ITPR2: variants seen among roughly 807,000 people sequenced by gnomAD.
ITPR2 encodes inositol 1,4,5-trisphosphate receptor type 2.
A neutral mutation model predicts 317.1 loss-of-function variants in ITPR2; 207 were observed. The ratio of observed to expected loss-of-function variants is 0.65; its 90% confidence interval spans 0.58 to 0.73. ITPR2 has a LOEUF of 0.73. ITPR2 is among the 30% of genes least tolerant of loss of function. The probability of loss-of-function intolerance (pLI) is 0.00; values close to 1 mark genes in which losing one functional copy is unlikely to be tolerated. For missense variants in ITPR2, 2,613 were observed against 3,284.0 expected (o/e 0.80, Z 4.99); for synonymous variants, 1,156 against 1,149.1 (o/e 1.01, Z -0.12).
intron 52 of ITPR2, among the ~76,000 whole-genome samples, chr12:26,407,472 C>T (rs1406246358): frequency 2.0e-5 from 3 of 151,850 alleles, no homozygotes; most frequent in Admixed American, 6.6e-5. Flanking sequence ...TAGACATTGT[C>T]AGATGTCCCT....
rs368248124 is a variant in ITPR2, at chr12:26,439,156, T to C, written c.6614A>G (p.Asn2205Ser). 6 of 1,610,140 alleles carry C rather than the reference T, an allele frequency of 3.7e-6. No homozygotes were observed. The highest frequency in any genetic ancestry group is 2.2e-5 in the East Asian group (1 of 44,768). Reference protein sequence around the residue: ...DFFQQTEDLYNEMKWQKKIRN... With the variant: ...DFFQQTEDLYSEMKWQKKIRN... Reference sequence around the variant, plus strand: ...GATTTTCTTCTGCCACTTCATTTCATTGTAGAGATCTTCTGTTTGCTGGAA... The same window carrying C: ...GATTTTCTTCTGCCACTTCATTTCACTGTAGAGATCTTCTGTTTGCTGGAA... The change falls in exon 47 of 57, where the codon AAT (asparagine) becomes AGT (serine). Residue 2205 changes from asparagine (N) to serine (S), a missense_variant. Physicochemically the swap from Asn to Ser is conservative, Grantham distance 46 (BLOSUM62 1). Coordinates refer to ENST00000381340, the MANE Select transcript of ITPR2 (RefSeq NM_002223.4).
At chr12:26,730,045 A>T (rs1162135633) in intron 2 of ITPR2, among the ~76,000 whole-genome samples, 1 of 152,156 alleles carries the variant, frequency 6.6e-6, no homozygotes, top group African/African-American at 2.4e-5. Flanking sequence ...AAAAGAAAAG[A>T]AAAGTTCTCA....
At chr12:26,360,257 C>T (rs942120033) in intron 55 of ITPR2, among the ~76,000 whole-genome samples, 4 of 152,198 alleles carry the variant, frequency 2.6e-5, no homozygotes, top group African/African-American at 9.7e-5. Flanking sequence ...CGAATCCTCT[C>T]TCGCTTCCTC....
chr12:26,778,568 C>A (rs762272942), intron 2 of ITPR2, among the ~76,000 whole-genome samples: 1 of 152,206 alleles, frequency 6.6e-6, no homozygotes, highest in African/African-American at 2.4e-5. Flanking sequence ...AATTTGCCTT[C>A]GGCTGGCAAG....
chr12:26,762,864 T>C (rs946600913), intron 2 of ITPR2, among the ~76,000 whole-genome samples: 10 of 152,068 alleles, frequency 6.6e-5, no homozygotes, highest in Non-Finnish European at 1.5e-4. Context: ...TTCAACAAAA[T>C]TAGAAGCGAT....
Position 26,681,873 on chromosome 12 carries a change from C to T in ITPR2, c.1409+1G>A, listed in dbSNP as rs989127663. 2 of 1,604,264 alleles carry T rather than the reference C, an allele frequency of 1.2e-6. No homozygotes were observed. Among genetic ancestry groups the T allele is most frequent in the Non-Finnish European group, 1.7e-6 (2 of 1,172,754 alleles). ...TATTTAAGACCAATTTAAAGAGTTA[C>T]CTCCTTTCATTCTGAGTTATTGTGC... is the stretch of plus-strand genomic sequence containing the variant. On this transcript the variant is annotated splice_donor_variant, in intron 13 of 56. Transcript: ENST00000381340. LOFTEE classifies it high-confidence loss of function.
chr12:26,715,556 T>C, intron 7 of ITPR2, 111 bp from the exon 8 acceptor site: 1 of 959,938 alleles, frequency 1.0e-6, no homozygotes, highest in Non-Finnish European at 1.5e-6. Flanking sequence ...TTAAAGCTTA[T>C]TTAAATTTAT....
chr12:26,649,042 T>C (rs1161961409), intron 21 of ITPR2: 1 of 152,248 alleles, frequency 6.6e-6, no homozygotes, highest in Non-Finnish European at 1.5e-5. Context: ...ATCGTTTTCC[T>C]ACCAGATTAA....
At chr12:26,494,475 A>C in intron 38 of ITPR2, 135 bp from the exon 39 acceptor site, 1 of 591,118 alleles carries the variant, frequency 1.7e-6, no homozygotes, top group Admixed American at 4.0e-5. Context: ...AGTTAAATAT[A>C]ATAGAAGCTT....
intron 2 of ITPR2, among the ~76,000 whole-genome samples, chr12:26,755,415 C>T (rs1030899537): frequency 6.6e-6 from 1 of 152,090 alleles, no homozygotes; most frequent in Admixed American, 6.5e-5. Flanking sequence ...TCAAGCAAAA[C>T]GAATTAACTG....
At chr12:26,431,877 A>G (rs1028056586) in intron 48 of ITPR2, among the ~76,000 whole-genome samples, 2 of 152,066 alleles carry the variant, frequency 1.3e-5, no homozygotes, top group African/African-American at 4.8e-5. Context: ...TCACCACCAC[A>G]TTGGTACCAG....
At chr12:26,441,610 T>G (rs1185480207) in intron 46 of ITPR2, among the ~76,000 whole-genome samples, 1 of 152,114 alleles carries the variant, frequency 6.6e-6, no homozygotes, top group Non-Finnish European at 1.5e-5. Context: ...TTCAGATGAG[T>G]GCAAGAGCTG....
At chr12:26,527,560 G>A (rs1004591318) in intron 37 of ITPR2, among the ~76,000 whole-genome samples, 6 of 152,118 alleles carry the variant, frequency 3.9e-5, no homozygotes, top group African/African-American at 1.2e-4. Flanking sequence ...TGACTGAAAC[G>A]TATCTACATT....
At chr12:26,520,753 C>T (rs1943640991) in intron 37 of ITPR2, among the ~76,000 whole-genome samples, 1 of 152,056 alleles carries the variant, frequency 6.6e-6, no homozygotes, top group African/African-American at 2.4e-5. Context: ...ATTTTTGTCT[C>T]CTGATTCAAA....
At chr12:26,465,023 G>A (rs898843396) in intron 45 of ITPR2, among the ~76,000 whole-genome samples, 3 of 152,208 alleles carry the variant, frequency 2.0e-5, no homozygotes, top group African/African-American at 4.8e-5. Flanking sequence ...ACAGGCCCAC[G>A]CTGAAGATGT....
intron 21 of ITPR2, among the ~76,000 whole-genome samples, chr12:26,638,586 T>C (rs1043461307): frequency 1.3e-5 from 2 of 152,228 alleles, no homozygotes; most frequent in African/African-American, 2.4e-5. Flanking sequence ...TAAGTGATTA[T>C]GCCAAAGAAT....
intron 32 of ITPR2, among the ~76,000 whole-genome samples, chr12:26,581,578 T>A (rs1302509481): frequency 6.6e-6 from 1 of 152,202 alleles, no homozygotes; most frequent in Admixed American, 6.6e-5. Flanking sequence ...ATTAATAATT[T>A]AGTAAATTTT....
At chr12:26,729,933 T>C (rs1341658933) in intron 2 of ITPR2, among the ~76,000 whole-genome samples, 1 of 151,936 alleles carries the variant, frequency 6.6e-6, no homozygotes, top group East Asian at 1.9e-4. Context: ...GGAACAAAAC[T>C]GCACTTGTAA....
chr12:26,785,140 C>T (rs1481577720), intron 2 of ITPR2, among the ~76,000 whole-genome samples: 29 of 41,650 alleles, frequency 7.0e-4, no homozygotes, highest in African/African-American at 1.6e-3. Context: ...GGAGCGTCTC[C>T]GCCCGGCAGC....
Sources: gnomAD v4.1 joint callset for allele counts (sites outside exome capture counted in the v4.1 genomes callset) on GRCh38, gnomAD v4.1.1 for gene constraint, MANE v1.5 for transcripts, NCBI Gene and HGNC (gene_info 2026-07-23, HGNC 2026-07-21) for gene names.